The following PALM2AKAP2 variants were observed in gnomAD, a reference collection of about 807,000 sequenced individuals.
The protein encoded by PALM2AKAP2 is PALM2 and AKAP2 fusion, also known as PALM2-AKAP2 fusion protein.
A neutral mutation model predicts 71.5 loss-of-function variants in PALM2AKAP2; 37 were observed. The ratio of observed to expected loss-of-function variants is 0.52; its 90% CI spans 0.40 to 0.68. PALM2AKAP2 has a LOEUF of 0.68. Ranked by LOEUF, PALM2AKAP2 falls within the 30% of genes least tolerant of loss-of-function variation. The pLI is 0.00. For synonymous variants in PALM2AKAP2, 468 were observed against 478.8 expected (o/e 0.98, Z 0.29); for missense variants, 1,224 against 1,191.8 (o/e 1.03, Z -0.40).
At chr9:109,774,174 C>G (rs1003243600) in intron 1 of PALM2AKAP2, among the ~76,000 whole-genome samples, 3 of 152,218 alleles carry the variant, frequency 2.0e-5, no homozygotes, top group African/African-American at 7.2e-5. Context: ...TCCAAGCTGA[C>G]GGAGCACATC....
intron 7 of PALM2AKAP2, among the ~76,000 whole-genome samples, chr9:110,027,476 A>T (rs1833200840): frequency 6.6e-6 from 1 of 152,254 alleles, no homozygotes; most frequent in South Asian, 2.1e-4. Flanking sequence ...AAAAAATTTT[A>T]GCACAGCAGA....
At chr9:109,927,170 C>T (rs1330667826) in intron 5 of PALM2AKAP2, among the ~76,000 whole-genome samples, 1 of 152,160 alleles carries the variant, frequency 6.6e-6, no homozygotes, top group African/African-American at 2.4e-5. Flanking sequence ...GCCTGGGTGA[C>T]CTCTTTATCT....
At chr9:109,872,292 T>C (rs1009926370) in intron 2 of PALM2AKAP2, among the ~76,000 whole-genome samples, 1 of 152,210 alleles carries the variant, frequency 6.6e-6, no homozygotes, top group African/African-American at 2.4e-5. Context: ...TTTTTTAAAA[T>C]AAATCAGCTA....
intron 1 of PALM2AKAP2, among the ~76,000 whole-genome samples, chr9:109,697,262 T>G (rs1827985713): frequency 6.6e-6 from 1 of 152,176 alleles, no homozygotes; most frequent in African/African-American, 2.4e-5. Context: ...AGTTATAGAT[T>G]AATATGAATA....
At chr9:110,082,629 C>G (rs1044630404) in intron 1 of PALM2AKAP2, among the ~76,000 whole-genome samples, 1 of 152,128 alleles carries the variant, frequency 6.6e-6, no homozygotes, top group Non-Finnish European at 1.5e-5. Context: ...CATCTACTTG[C>G]GCCCACCACC....
intron 3 of PALM2AKAP2, among the ~76,000 whole-genome samples, chr9:109,887,693 CT>C (rs199751795): frequency 1.1e-4 from 16 of 146,752 alleles, no homozygotes; most frequent in Non-Finnish European, 1.5e-4. Flanking sequence ...CTGCCCCCCC[CT>C]AAAAAAATTC....
intron 3 of PALM2AKAP2, among the ~76,000 whole-genome samples, chr9:109,913,596 AAGC>A (rs1430785952): frequency 6.6e-6 from 1 of 152,102 alleles, no homozygotes; most frequent in Non-Finnish European, 1.5e-5. Context: ...ATAAGACTCT[AAGC>A]TCTGATTAGC....
chr9:109,968,953 G>A (rs992426135), intron 6 of PALM2AKAP2, among the ~76,000 whole-genome samples: 1 of 152,128 alleles, frequency 6.6e-6, no homozygotes, highest in Non-Finnish European at 1.5e-5. Context: ...GTGTGACACA[G>A]ACAGAGAGAC....
chr9:110,042,119 A>G (rs919153129), intron 7 of PALM2AKAP2, among the ~76,000 whole-genome samples: 2 of 152,176 alleles, frequency 1.3e-5, no homozygotes, highest in Admixed American at 1.3e-4. Context: ...GCATTCCGAA[A>G]GTTGATGGTT....
At chr9:109,681,871 G>T (rs1261349060) in intron 1 of PALM2AKAP2, among the ~76,000 whole-genome samples, 1 of 152,072 alleles carries the variant, frequency 6.6e-6, no homozygotes, top group African/African-American at 2.4e-5. Flanking sequence ...AGTTTAATCA[G>T]CACCCCTCTC....
intron 1 of PALM2AKAP2, among the ~76,000 whole-genome samples, chr9:109,645,595 T>C (rs1827139547): frequency 6.6e-6 from 1 of 151,490 alleles, no homozygotes; most frequent in South Asian, 2.1e-4. Context: ...AATCATGTCC[T>C]TTACAGCAAT....
rs558061721 is a variant in PALM2AKAP2 at position 110,111,627 on chromosome 9, C to T, written c.157-24500C>T. Among the ~76,000 whole-genome samples, 9 of 152,318 alleles carry T rather than the reference C, an allele frequency of 5.9e-5. No individual in the cohort carries two copies. In the South Asian group the frequency reaches 1.9e-3, roughly 32 times the overall value. ...GCTAAGATGAGAAAAAGGAATTTTG[C>T]ACCATCTGCACCAATTCTGAGGTTT... On this transcript the variant is annotated intron_variant, in intron 1 of 3. Coordinates refer to ENST00000374525, the Ensembl canonical transcript of PALM2AKAP2.
intron 5 of PALM2AKAP2, among the ~76,000 whole-genome samples, chr9:109,928,178 C>T (rs983909825): frequency 6.6e-6 from 1 of 152,198 alleles, no homozygotes; most frequent in African/African-American, 2.4e-5. Flanking sequence ...TCTTGGCTCA[C>T]TGCAACCTCC....
chr9:109,930,013 C>T (rs1208544284), intron 5 of PALM2AKAP2, among the ~76,000 whole-genome samples: 3 of 152,052 alleles, frequency 2.0e-5, no homozygotes, highest in African/African-American at 7.2e-5. Flanking sequence ...GGCTGCTTTC[C>T]AGCCATCTCC....
In PALM2AKAP2 at chr9:110,023,075, A is replaced by G. The variant is rs577285960; in HGVS notation, c.582+7036A>G. ...TGTCTTTATAGCAGCATGATTTATAATCCTTTGGGTATATACCCAGTAATG... is the reference window on the plus strand; with the variant it reads ...TGTCTTTATAGCAGCATGATTTATAGTCCTTTGGGTATATACCCAGTAATG... On this transcript the variant is annotated intron_variant, in intron 7 of 9. Coordinates refer to the PALM2AKAP2 transcript ENST00000302798. Among the ~76,000 whole-genome samples the G allele has an allele frequency of 1.1e-4, 17 of 151,786 alleles. No homozygotes were observed. The East Asian group carries it at 2.3e-3, about 21-fold the overall frequency.
intron 1 of PALM2AKAP2, among the ~76,000 whole-genome samples, chr9:110,053,542 A>AG (rs1416035231): frequency 1.3e-5 from 2 of 150,948 alleles, no homozygotes; most frequent in African/African-American, 4.9e-5. Flanking sequence ...AAAAAAAAAA[A>AG]AAAAAAGAAA....
chr9:109,948,845 A>C (rs953891762), intron 6 of PALM2AKAP2, among the ~76,000 whole-genome samples: 2 of 152,254 alleles, frequency 1.3e-5, no homozygotes, highest in Admixed American at 6.5e-5. Flanking sequence ...ATATGTTTAC[A>C]GAATGTATCT....
exon 2 of PALM2AKAP2, chr9:110,136,753 A>G: frequency 6.2e-7 from 1 of 1,614,118 alleles, no homozygotes; most frequent in Non-Finnish European, 8.5e-7. Context: ...CTCTCACCAC[A>G]CTGAAAAAGG....
chr9:110,087,800 G>A (rs1980874), intron 1 of PALM2AKAP2, among the ~76,000 whole-genome samples: 43,236 of 152,058 alleles, frequency 0.28, 8,060 homozygotes, highest in African/African-American at 0.53. Context: ...TGAGGAAGAT[G>A]GATGAGGTTT....
Sources: allele counts gnomAD v4.1 joint callset (sites outside exome capture counted in the v4.1 genomes callset), GRCh38; gene constraint gnomAD v4.1.1; transcripts MANE v1.5; gene names NCBI Gene and HGNC (gene_info 2026-07-23, HGNC 2026-07-21).